Variants in NAA11 observed in about 807,000 individuals in gnomAD.
The protein encoded by NAA11 is N-alpha-acetyltransferase 11, NatA catalytic subunit.
A neutral mutation model predicts 16.1 loss-of-function variants in NAA11; 15 were observed. The ratio of observed to expected loss-of-function variants is 0.93; its 90% CI spans 0.62 to 1.44. NAA11 has a LOEUF of 1.44. Ranked by LOEUF, NAA11 falls within the 40% of genes most tolerant of loss-of-function variation. The pLI is 0.00. For synonymous variants in NAA11, 122 were observed against 112.4 expected (o/e 1.09, Z -0.54); for missense variants, 298 against 291.3 (o/e 1.02, Z -0.17).
At chr4:79,292,907 C>G (rs371773055) in intron 2 of NAA11, among the ~76,000 whole-genome samples, 7 of 152,188 alleles carry the variant, frequency 4.6e-5, no homozygotes, top group African/African-American at 1.4e-4. Context: ...CAGGATTAAC[C>G]TGTTGTTTTT....
In NAA11 at chr4:79,248,994, C is replaced by G. The variant is rs187837010; in HGVS notation, c.*123-22724G>C. Among the ~76,000 whole-genome samples the G allele has an allele frequency of 5.2e-3, 798 of 152,288 alleles. 26 individuals are homozygous for G. Among genetic ancestry groups the G allele is most frequent in the Admixed American group, 0.048 (734 of 15,296 alleles). ...TGAGCAGTCTGGGAGCACTTGAGCC[C>G]CCCCCCAGTGCAGCAGGTTCCTAAC... On this transcript the variant is annotated intron_variant and NMD_transcript_variant, in intron 2 of 2. Transcript: ENST00000511542.
intron 2 of NAA11, among the ~76,000 whole-genome samples, chr4:79,277,851 C>A (rs1722695960): frequency 6.6e-6 from 1 of 151,958 alleles, no homozygotes; most frequent in Non-Finnish European, 1.5e-5. Context: ...CCTCCCTTGT[C>A]CAAGTGTGCG....
intron 1 of NAA11, among the ~76,000 whole-genome samples, chr4:79,309,754 C>T (rs1425897127): frequency 1.8e-5 from 2 of 111,520 alleles, no homozygotes; most frequent in African/African-American, 6.9e-5. Context: ...CTCGCTCTGT[C>T]GCCCAGGCTG....
At chr4:79,322,920 A>T (rs1724139547) in intron 1 of NAA11, among the ~76,000 whole-genome samples, 1 of 152,174 alleles carries the variant, frequency 6.6e-6, no homozygotes, top group South Asian at 2.1e-4. Flanking sequence ...AACATACTGA[A>T]CTGTAACTGA....
chr4:79,161,301 C>T, the NAA11 span, among the ~76,000 whole-genome samples: 1 of 151,954 alleles, frequency 6.6e-6, no homozygotes, highest in Non-Finnish European at 1.5e-5. Flanking sequence ...TCAGAAGAAT[C>T]CTGGAGCCCT....
intron 2 of NAA11, among the ~76,000 whole-genome samples, chr4:79,260,241 A>ACC (rs1722218032): frequency 6.6e-6 from 1 of 152,118 alleles, no homozygotes. Context: ...GTTTATCCTC[A>ACC]TCCACTTTTA....
chr4:79,216,196 A>G, the NAA11 span, among the ~76,000 whole-genome samples: 1 of 152,158 alleles, frequency 6.6e-6, no homozygotes, highest in East Asian at 1.9e-4. Context: ...TGTGTACTGT[A>G]GAAAAGTTGG....
the NAA11 span, among the ~76,000 whole-genome samples, chr4:79,185,191 C>T: frequency 6.6e-6 from 1 of 151,872 alleles, no homozygotes. Context: ...CCTTTCATAC[C>T]TTATCATGGG....
intron 2 of NAA11, among the ~76,000 whole-genome samples, chr4:79,260,669 A>G (rs1722228686): frequency 1.3e-5 from 2 of 152,250 alleles, no homozygotes; most frequent in Non-Finnish European, 2.9e-5. Flanking sequence ...TTAACAAGAA[A>G]GAAAGGGAAA....
chr4:79,182,367 G>A, the NAA11 span, among the ~76,000 whole-genome samples: 1 of 152,144 alleles, frequency 6.6e-6, no homozygotes, highest in Non-Finnish European at 1.5e-5. Flanking sequence ...TATCAACTAG[G>A]AAAATCAATA....
chr4:79,268,468 C>T (rs1049101003), intron 2 of NAA11, among the ~76,000 whole-genome samples: 4 of 151,978 alleles, frequency 2.6e-5, no homozygotes, highest in African/African-American at 9.7e-5. Flanking sequence ...AAAGTTATGC[C>T]GGAGAAGAGT....
intron 2 of NAA11, among the ~76,000 whole-genome samples, chr4:79,282,334 G>A (rs1201899253): frequency 6.6e-6 from 1 of 152,000 alleles, no homozygotes; most frequent in African/African-American, 2.4e-5. Context: ...TATAAATTCT[G>A]TTTTTTAAAA....
At chr4:79,287,012 G>A (rs185481617) in intron 2 of NAA11, among the ~76,000 whole-genome samples, 108 of 152,166 alleles carry the variant, frequency 7.1e-4, no homozygotes, top group Non-Finnish European at 1.3e-3. Context: ...TCCTTCACAA[G>A]GCTGTGAGGT....
At chr4:79,309,449 C>G (rs561900878) in intron 1 of NAA11, among the ~76,000 whole-genome samples, 1 of 152,238 alleles carries the variant, frequency 6.6e-6, no homozygotes, top group South Asian at 2.1e-4. Context: ...TGGTAATCAT[C>G]ATGTTTGCTT....
chr4:79,252,816 G>A (rs1722025765), intron 2 of NAA11, among the ~76,000 whole-genome samples: 1 of 152,156 alleles, frequency 6.6e-6, no homozygotes. Flanking sequence ...GTCCCTGAGG[G>A]CCACAGTGAA....
intron 2 of NAA11, among the ~76,000 whole-genome samples, chr4:79,291,832 T>C (rs1176657469): frequency 6.6e-6 from 1 of 152,206 alleles, no homozygotes; most frequent in East Asian, 1.9e-4. Flanking sequence ...AGTTTTTCTT[T>C]AGACTTCCAA....
At chr4:79,248,301 C>T (rs933426800) in intron 2 of NAA11, among the ~76,000 whole-genome samples, 1 of 152,134 alleles carries the variant, frequency 6.6e-6, no homozygotes, top group Non-Finnish European at 1.5e-5. Context: ...CAACCTCCCC[C>T]ATACTGCTTT....
At chr4:79,216,575 G>T in the NAA11 span, among the ~76,000 whole-genome samples, 36 of 151,932 alleles carry the variant, frequency 2.4e-4, no homozygotes, top group Non-Finnish European at 4.4e-4. Context: ...GACATTTTTG[G>T]ATGTCTTAGG....
chr4:79,297,123 C>A (rs1723243701), intron 1 of NAA11, among the ~76,000 whole-genome samples: 1 of 152,186 alleles, frequency 6.6e-6, no homozygotes, highest in Admixed American at 6.5e-5. Flanking sequence ...TGCATCCTGG[C>A]CATGCAGTTG....
Sources: gnomAD v4.1 joint callset for allele counts (sites outside exome capture counted in the v4.1 genomes callset) on GRCh38, gnomAD v4.1.1 for gene constraint, MANE v1.5 for transcripts, NCBI Gene and HGNC (gene_info 2026-07-23, HGNC 2026-07-21) for gene names.